TOGARAM2: variants seen among roughly 807,000 people sequenced by gnomAD.
The protein encoded by TOGARAM2 is TOG array regulator of axonemal microtubules 2.
In TOGARAM2, 85 loss-of-function variants were observed where a neutral mutation model predicts 93.3. That is an observed-to-expected ratio of 0.91 (90% CI 0.76 to 1.09). The LOEUF (loss-of-function observed/expected upper bound fraction) is 1.09, where lower values mean the gene tolerates loss of function less well. TOGARAM2 is among the 50% of genes least tolerant of loss of function. The pLI is 0.00. For synonymous variants in TOGARAM2, 593 were observed against 552.8 expected (o/e 1.07, Z -1.02); for missense variants, 1,277 against 1,334.5 (o/e 0.96, Z 0.67).
intron 10 of TOGARAM2, among the ~76,000 whole-genome samples, chr2:29,021,181 T>C (rs1461777842): frequency 6.6e-6 from 1 of 152,242 alleles, no homozygotes; most frequent in African/African-American, 2.4e-5. Flanking sequence ...CCCAAAGTGC[T>C]GGGATTACAG....
At position 28,994,807 on chromosome 2, in the gene TOGARAM2, C is replaced by T; in HGVS notation, c.-28C>T. 6.4e-7 allele frequency: 1 copy of T among 1,551,846 alleles called. No homozygotes were observed. The highest frequency in any genetic ancestry group is 8.7e-7 in the Non-Finnish European group (1 of 1,147,078). ...AGAAATAGCTGCTGCCTCTGGGCAA[C>T]CTTGTAGGCACCTTCTCCACCCAGG... On this transcript the variant is annotated 5_prime_UTR_variant, in exon 2 of 20. Coordinates refer to ENST00000379558, the MANE Select transcript of TOGARAM2 (RefSeq NM_199280.4).
intron 1 of TOGARAM2, among the ~76,000 whole-genome samples, chr2:28,987,828 G>A (rs1014984746): frequency 6.6e-6 from 1 of 152,250 alleles, no homozygotes. Flanking sequence ...GAGTTGTGGT[G>A]GGGGGCTTCT....
At chr2:29,030,494 C>T (rs144322353) in intron 14 of TOGARAM2, among the ~76,000 whole-genome samples, 87 of 152,140 alleles carry the variant, frequency 5.7e-4, no homozygotes, top group African/African-American at 2.0e-3. Context: ...TTTTGGTTTG[C>T]TTGTTGGTTT....
intron 7 of TOGARAM2, among the ~76,000 whole-genome samples, chr2:29,013,515 G>C (rs992854271): frequency 6.6e-6 from 1 of 152,214 alleles, no homozygotes; most frequent in African/African-American, 2.4e-5. Context: ...GCAGCCTTCA[G>C]TCTGTGACCA....
intron 6 of TOGARAM2, among the ~76,000 whole-genome samples, chr2:29,008,139 GTTTT>G (rs1248958434): frequency 6.6e-6 from 1 of 151,766 alleles, no homozygotes; most frequent in African/African-American, 2.4e-5. Flanking sequence ...TTATTTATTT[GTTTT>G]TTATTTTTTA....
intron 2 of TOGARAM2, among the ~76,000 whole-genome samples, chr2:28,996,013 C>A (rs147660457): frequency 2.0e-5 from 3 of 152,310 alleles, no homozygotes; most frequent in African/African-American, 4.8e-5. Flanking sequence ...AGGGAAGCTG[C>A]AGGGCAGGAA....
chr2:28,976,645 G>A (rs766233782), upstream of TOGARAM2, among the ~76,000 whole-genome samples: 6 of 152,248 alleles, frequency 3.9e-5, no homozygotes, highest in African/African-American at 9.6e-5. Context: ...AGCATAACCA[G>A]AAGGCGTTAG....
Position 28,976,243 on chromosome 2 carries a change from T to C in TOGARAM2, c.-146-18482T>C, listed in dbSNP as rs188075111. Among the ~76,000 whole-genome samples the C allele has an allele frequency of 4.6e-3, 697 of 152,110 alleles. 5 individuals are homozygous for C. Among genetic ancestry groups the C allele is most frequent in the African/African-American group, 0.013 (521 of 41,486 alleles). On this transcript the variant is annotated intron_variant, in intron 1 of 6. Transcript: ENST00000401723. ...ATAATTAGCCGGACGTGGTGGCGGG[T>C]GCCTGTAGTCCCAGCTACTCAGGAG... is the stretch of plus-strand genomic sequence containing the variant.
chr2:29,017,864 T>G lies in TOGARAM2; in HGVS notation c.1268T>G (p.Val423Gly). 6.2e-7 allele frequency: 1 copy of G among 1,613,488 alleles called. No individual in the cohort carries two copies. The highest frequency in any genetic ancestry group is 8.5e-7 in the Non-Finnish European group (1 of 1,179,742). ...CTGAGCGGCCCATGCAGAAACGACG[T>G]CAGCATCATCCTGAGGAAGTGGGCC... ...TRLSGPCRND[V>G]SIILRKWASR... The change falls in exon 10 of 20, where the codon GTC (valine) becomes GGC (glycine). Residue 423 changes from valine to glycine, a missense_variant. By Grantham distance (109) the Val-to-Gly change is moderately radical (BLOSUM62 -3). Coordinates refer to ENST00000379558, the MANE Select transcript of TOGARAM2 (RefSeq NM_199280.4).
At chr2:29,009,913 A>G (rs1664121576) in intron 6 of TOGARAM2, among the ~76,000 whole-genome samples, 1 of 152,116 alleles carries the variant, frequency 6.6e-6, no homozygotes, top group African/African-American at 2.4e-5. Flanking sequence ...TCTTGGCCTC[A>G]GTCCTTTCTG....
rs755335870 is a variant in TOGARAM2 at position 28,999,242 on chromosome 2, T to C, written c.201T>C (p.Arg67=). Residue 67 remains arginine, a synonymous_variant, in exon 4 of 20, where the codon CGT becomes CGC. Coordinates refer to ENST00000379558, the MANE Select transcript of TOGARAM2 (RefSeq NM_199280.4). ...LNNEEPSQLL[R]GLGQLGGLKL... ...ACGAGGAACCGTCACAGCTCCTGCG[T>C]GGACTCGGACAGCTGGGTGGCCTCA... is the stretch of plus-strand genomic sequence containing the variant. 7.4e-6 allele frequency: 12 copies of C among 1,613,792 alleles called. No homozygotes were observed. The highest frequency in any genetic ancestry group is 1.0e-5 in the Non-Finnish European group (12 of 1,179,868).
intron 10 of TOGARAM2, 36 bp downstream of exon 10, chr2:29,017,992 C>A: frequency 6.5e-7 from 1 of 1,539,548 alleles, no homozygotes; most frequent in South Asian, 1.2e-5. Context: ...ACGTGTCCCT[C>A]TGCCCATGCT....
chr2:28,976,101 C>T (rs561694614), intron 1 of TOGARAM2, among the ~76,000 whole-genome samples: 43 of 152,114 alleles, frequency 2.8e-4, no homozygotes, highest in Non-Finnish European at 4.3e-4. Context: ...CCAGGTGTGG[C>T]GGCTCACGCC....
At position 29,035,468 on chromosome 2, in the gene TOGARAM2, AGCTGCAATG is replaced by A. The variant is rs1406394651; in HGVS notation, c.2233_2241del (p.Cys745_Gly747del). On this transcript the variant is annotated inframe_deletion, in exon 17 of 20. Coordinates refer to ENST00000379558, the MANE Select transcript of TOGARAM2 (RefSeq NM_199280.4). ...GACGCCACGCTCCTTACCTAGGCTC[AGCTGCAATG>A]GCCCAAGGCTGGTGGGGCTGCGCTC... The A allele has an allele frequency of 7.1e-7, 1 of 1,405,024 alleles. No individual in the cohort carries two copies. The highest frequency in any genetic ancestry group is 1.4e-5 in the African/African-American group (1 of 69,302). The allele number at this position is 1,405,024 out of a possible 1,614,324, so 87.0% of individuals were successfully genotyped here.
At chr2:28,992,082 G>A (rs997394831) in intron 1 of TOGARAM2, among the ~76,000 whole-genome samples, 2 of 152,188 alleles carry the variant, frequency 1.3e-5, no homozygotes, top group African/African-American at 4.8e-5. Flanking sequence ...GAGCAGTGCT[G>A]GGTGTGATGG....
At position 28,999,379 on chromosome 2, in the gene TOGARAM2, A is replaced by AG. The variant is rs1336707698; in HGVS notation, c.340dup (p.Ala114GlyfsTer12). Reference sequence around the variant, plus strand: ...GTGCTCCTCCCTTCTCCGGAGTCAGAGGCCAACAGCGTGGCCAGGGACACC... The same window carrying AG: ...GTGCTCCTCCCTTCTCCGGAGTCAGAGGGCCAACAGCGTGGCCAGGGACACC... On this transcript the variant is annotated frameshift_variant, in exon 4 of 20. Coordinates refer to ENST00000379558, the MANE Select transcript of TOGARAM2 (RefSeq NM_199280.4). LOFTEE classifies it high-confidence loss of function. 15 of 1,613,516 alleles carry AG rather than the reference A, an allele frequency of 9.3e-6. No individual in the cohort carries two copies. The highest frequency in any genetic ancestry group is 1.2e-5 in the Non-Finnish European group (14 of 1,179,706).
At chr2:28,972,902 C>T (rs955102166) in intron 1 of TOGARAM2, among the ~76,000 whole-genome samples, 2 of 152,126 alleles carry the variant, frequency 1.3e-5, no homozygotes, top group African/African-American at 4.8e-5. Flanking sequence ...AATGGAAAGC[C>T]TTTTGTTAGA....
rs969063426 is a variant in TOGARAM2 at position 29,043,280 on chromosome 2, C to A, written c.2636-2044C>A. ...GATTTGCGGATGGAGCTTTTGCAAA[C>A]AGCAGAGATGTACCTGGGTACATTT... is the stretch of plus-strand genomic sequence containing the variant. On this transcript the variant is annotated intron_variant, in intron 18 of 19. Coordinates refer to ENST00000379558, the MANE Select transcript of TOGARAM2 (RefSeq NM_199280.4). 5.9e-5 allele frequency among the ~76,000 whole-genome samples: 9 copies of A among 152,186 alleles called. No individual in the cohort carries two copies. In the East Asian group the frequency reaches 1.7e-3, roughly 29 times the overall value.
intron 14 of TOGARAM2, among the ~76,000 whole-genome samples, chr2:29,029,264 T>TAC (rs146395549): frequency 0.49 from 72,717 of 147,750 alleles, 17,962 homozygotes; most frequent in East Asian, 0.58. Context: ...TATGTGTGTA[T>TAC]ACACACACAC....
Sources: gnomAD v4.1 joint callset for allele counts (sites outside exome capture counted in the v4.1 genomes callset) on GRCh38, gnomAD v4.1.1 for gene constraint, MANE v1.5 for transcripts, NCBI Gene and HGNC (gene_info 2026-07-23, HGNC 2026-07-21) for gene names.